The following TRABD2B variants were observed in gnomAD, a reference collection of about 807,000 sequenced individuals.
The protein encoded by TRABD2B is TraB domain containing 2B.
Under a neutral mutation model 40.1 loss-of-function variants are expected in TRABD2B, and 14 were observed. That is an observed-to-expected ratio of 0.35 (90% CI 0.23 to 0.55). TRABD2B has a LOEUF of 0.55. Ranked by LOEUF, TRABD2B falls within the 20% of genes least tolerant of loss-of-function variation. TRABD2B has a pLI of 0.90. For synonymous variants in TRABD2B, 263 were observed against 277.0 expected (o/e 0.95, Z 0.50); for missense variants, 541 against 648.6 (o/e 0.83, Z 1.80).
chr1:47,923,256 A>G (rs1439530526), intron 2 of TRABD2B, among the ~76,000 whole-genome samples: 1 of 152,194 alleles, frequency 6.6e-6, no homozygotes, highest in East Asian at 1.9e-4. Flanking sequence ...TCCTTCTCTG[A>G]GGGATTCATC....
intron 2 of TRABD2B, among the ~76,000 whole-genome samples, chr1:47,910,291 A>C (rs946428791): frequency 2.0e-5 from 3 of 152,146 alleles, no homozygotes; most frequent in African/African-American, 7.2e-5. Flanking sequence ...TCCAAGGTCA[A>C]AGGCTAGACA....
At chr1:47,962,687 G>A (rs1272815048) in intron 2 of TRABD2B, among the ~76,000 whole-genome samples, 14 of 152,194 alleles carry the variant, frequency 9.2e-5, no homozygotes, top group Admixed American at 9.2e-4. Context: ...TTTTATAGAT[G>A]AGGAAACTGA....
At chr1:47,914,326 C>T (rs1053266245) in intron 2 of TRABD2B, among the ~76,000 whole-genome samples, 1 of 152,244 alleles carries the variant, frequency 6.6e-6, no homozygotes, top group Non-Finnish European at 1.5e-5. Flanking sequence ...GACCTGAAAC[C>T]GCTCACAAGC....
intron 2 of TRABD2B, among the ~76,000 whole-genome samples, chr1:47,833,155 T>G (rs184880126): frequency 4.6e-5 from 7 of 152,332 alleles, no homozygotes; most frequent in African/African-American, 1.4e-4. Flanking sequence ...TCAGCACTGA[T>G]GACTGGAATC....
At chr1:47,848,581 G>A (rs1201526374) in intron 2 of TRABD2B, among the ~76,000 whole-genome samples, 1 of 152,210 alleles carries the variant, frequency 6.6e-6, no homozygotes, top group Admixed American at 6.5e-5. Context: ...TGAACCCCCA[G>A]AGTGACACAG....
intron 2 of TRABD2B, among the ~76,000 whole-genome samples, chr1:47,811,905 C>T (rs1261163411): frequency 3.3e-5 from 5 of 152,230 alleles, no homozygotes; most frequent in African/African-American, 1.2e-4. Flanking sequence ...ATTACACCTA[C>T]CATCCCATGA....
At position 47,803,458 on chromosome 1, in the gene TRABD2B, G is replaced by A. The variant is rs545008470; in HGVS notation, c.667-1839C>T. 6.4e-4 allele frequency among the ~76,000 whole-genome samples: 98 copies of A among 152,260 alleles called. 1 individual carries two copies. Among genetic ancestry groups the A allele is most frequent in the African/African-American group, 2.2e-3 (90 of 41,558 alleles). ...TGCTGGATGATGAGAGACATGTGGC[G>A]CAGAGCCGTCCAGCGAAGGCCATCC... is the stretch of plus-strand genomic sequence containing the variant. On this transcript the variant is annotated intron_variant, in intron 2 of 6. Coordinates refer to ENST00000606738, the MANE Select transcript of TRABD2B (RefSeq NM_001194986.2).
At chr1:47,792,700 T>C (rs1382774574) in intron 4 of TRABD2B, among the ~76,000 whole-genome samples, 1 of 152,132 alleles carries the variant, frequency 6.6e-6, no homozygotes, top group Non-Finnish European at 1.5e-5. Flanking sequence ...CTCTTCTGCT[T>C]TCTTGCTCAC....
chr1:47,794,773 G>T lies in TRABD2B; in HGVS notation c.814-13C>A. 7.2e-7 allele frequency: 1 copy of T among 1,386,026 alleles called. No individual in the cohort carries two copies. The highest frequency in any genetic ancestry group is 1.3e-5 in the South Asian group (1 of 74,328). The allele number at this position is 1,386,026 out of a possible 1,614,324, so 85.9% of individuals were successfully genotyped here. ...TAAAGTTGGGCAGCTGCAAAGGCAA[G>T]ACAGAGGCTGCCTTCAGTTTTTTTT... is the stretch of plus-strand genomic sequence containing the variant. On this transcript the variant is annotated splice_polypyrimidine_tract_variant and intron_variant, in intron 3 of 6. Coordinates refer to ENST00000606738, the MANE Select transcript of TRABD2B (RefSeq NM_001194986.2).
Position 47,764,187 on chromosome 1 carries a change from C to T in TRABD2B, c.*1715G>A, listed in dbSNP as rs186683388. ...GCTGCCATCAAGCCTGCCAGGGAAA[C>T]CCACGAAGCTATAAAGTTGGGGTGC... On this transcript the variant is annotated 3_prime_UTR_variant, in exon 7 of 7. Coordinates refer to ENST00000606738, the MANE Select transcript of TRABD2B (RefSeq NM_001194986.2). The T allele has an allele frequency of 7.9e-4, 120 of 152,386 alleles. 1 individual carries two copies. Among genetic ancestry groups the T allele is most frequent in the African/African-American group, 2.8e-3 (115 of 41,584 alleles). 9.4% of individuals were successfully genotyped at this position (152,386 alleles called of 1,614,324 possible).
intron 2 of TRABD2B, among the ~76,000 whole-genome samples, chr1:47,938,592 A>G (rs1645144337): frequency 6.7e-6 from 1 of 149,658 alleles, no homozygotes; most frequent in African/African-American, 2.4e-5. Context: ...TAGCTTACTA[A>G]CAGCTGGAGG....
At chr1:47,816,300 G>A (rs1645032129) in intron 2 of TRABD2B, among the ~76,000 whole-genome samples, 1 of 152,134 alleles carries the variant, frequency 6.6e-6, no homozygotes, top group Non-Finnish European at 1.5e-5. Context: ...GTGTGTGGGT[G>A]AGACCACGGC....
intron 2 of TRABD2B, among the ~76,000 whole-genome samples, chr1:47,900,691 C>T (rs539663307): frequency 1.7e-4 from 26 of 152,226 alleles, no homozygotes; most frequent in African/African-American, 6.0e-4. Flanking sequence ...AACCTAGTTT[C>T]CTTTTCTTGG....
At chr1:47,815,681 C>T (rs1645020755) in intron 2 of TRABD2B, among the ~76,000 whole-genome samples, 1 of 152,206 alleles carries the variant, frequency 6.6e-6, no homozygotes. Context: ...CCGGGAAGCA[C>T]AGCTGCAGGC....
chr1:47,894,520 C>T (rs1229688726), intron 2 of TRABD2B, among the ~76,000 whole-genome samples: 2 of 152,112 alleles, frequency 1.3e-5, no homozygotes, highest in Non-Finnish European at 2.9e-5. Context: ...ATACCAAGTG[C>T]CACGAAGAAC....
chr1:47,906,901 C>T (rs1458164755), intron 2 of TRABD2B, among the ~76,000 whole-genome samples: 5 of 152,230 alleles, frequency 3.3e-5, no homozygotes, highest in East Asian at 1.9e-4. Context: ...CTTGTGCTGT[C>T]GGTCCCCCTC....
intron 2 of TRABD2B, among the ~76,000 whole-genome samples, chr1:47,887,766 G>A (rs185239548): frequency 1.8e-4 from 27 of 152,232 alleles, no homozygotes; most frequent in Admixed American, 1.2e-3. Flanking sequence ...AGGAGAGGAC[G>A]GGGCCAGGTT....
In TRABD2B at chr1:47,994,568, C is replaced by A; in HGVS notation, c.132G>T (p.Thr44=). Residue 44 remains threonine, a synonymous_variant, in exon 2 of 7, where the codon ACG becomes ACT. Transcript: ENST00000606738. The surrounding 1 kb of genome is among the most constrained non-coding windows in gnomAD (Gnocchi z 6.7). ...SQRDLNSFLW[T]IRRDPPAYLF... ...GGTAGGCCGGAGGATCACGCCGAAT[C>A]GTCCACAGGAAGGAGTTCAAGTCCC... 1.3e-6 allele frequency: 2 copies of A among 1,535,814 alleles called. No homozygotes were observed. Among genetic ancestry groups the A allele is most frequent in the African/African-American group, 1.4e-5 (1 of 73,156 alleles).
At position 47,994,691 on chromosome 1, in the gene TRABD2B, T is replaced by C. The variant is rs1407661866; in HGVS notation, c.103-94A>G. On this transcript the variant is annotated intron_variant, in intron 1 of 6. Coordinates refer to ENST00000606738, the MANE Select transcript of TRABD2B (RefSeq NM_001194986.2). The surrounding 1 kb of genome is among the most constrained non-coding windows in gnomAD (Gnocchi z 6.7). The stretch of plus-strand genomic sequence containing the variant: ...GGCACGTTGCAGAGGGAGGTGGGGA[T>C]GGGAGGCAGAGACCATACACAGGCC... 3.4e-6 allele frequency: 4 copies of C among 1,164,166 alleles called. No individual in the cohort carries two copies. Among genetic ancestry groups the C allele is most frequent in the South Asian group, 1.5e-5 (1 of 65,348 alleles). The allele number at this position is 1,164,166 out of a possible 1,614,324, so 72.1% of individuals were successfully genotyped here.
Sources: allele counts gnomAD v4.1 joint callset (sites outside exome capture counted in the v4.1 genomes callset), GRCh38; gene constraint gnomAD v4.1.1; non-coding constraint Gnocchi (gnomAD v3.1); transcripts MANE v1.5; gene names NCBI Gene and HGNC (gene_info 2026-07-23, HGNC 2026-07-21).